PXDNL: variants seen among roughly 807,000 people sequenced by gnomAD.
PXDNL encodes the protein probable oxidoreductase PXDNL.
A neutral mutation model predicts 150.8 loss-of-function variants in PXDNL; 145 were observed. The observed-to-expected ratio is 0.96, with a 90% CI of 0.84 to 1.10. PXDNL has a LOEUF of 1.10. Among genes scored for constraint, PXDNL ranks in the 50% least tolerant of loss-of-function variants. The pLI is 0.00. For missense variants in PXDNL, 2,087 were observed against 1,873.9 expected (o/e 1.11, Z -2.10); for synonymous variants, 757 against 725.7 (o/e 1.04, Z -0.69).
At chr8:51,393,010 T>A (rs751444868) in intron 17 of PXDNL, among the ~76,000 whole-genome samples, 10 of 152,208 alleles carry the variant, frequency 6.6e-5, no homozygotes, top group Non-Finnish European at 1.0e-4. Flanking sequence ...CTGAGTTACA[T>A]GTCACTGACC....
chr8:51,626,221 C>G (rs368849033), intron 2 of PXDNL, among the ~76,000 whole-genome samples: 1 of 152,228 alleles, frequency 6.6e-6, no homozygotes, highest in Non-Finnish European at 1.5e-5. Flanking sequence ...AGTTTTCTAT[C>G]TGCCTACTTA....
intron 1 of PXDNL, among the ~76,000 whole-genome samples, chr8:51,717,364 T>A (rs1420205429): frequency 1.3e-5 from 2 of 152,206 alleles, no homozygotes; most frequent in Admixed American, 6.5e-5. Context: ...AAAACCATTC[T>A]AAGGACACAT....
rs754140301 is a variant in PXDNL at position 51,738,597 on chromosome 8, TACAA to T, written c.164+70580_164+70583del. Among the ~76,000 whole-genome samples the T allele has an allele frequency of 3.3e-5, 5 of 151,526 alleles. No individual in the cohort carries two copies. In the South Asian group the frequency reaches 1.0e-3, roughly 32 times the overall value. Reference sequence around the variant, plus strand: ...CACACAAGATACTCTATGGGAATACTACAAACAACTTTACGCTCATAAACTTGAC... The same window carrying T: ...CACACAAGATACTCTATGGGAATACTACAACTTTACGCTCATAAACTTGAC... On this transcript the variant is annotated intron_variant, in intron 1 of 22. Transcript: ENST00000356297.
chr8:51,416,133 T>C (rs774064923), intron 14 of PXDNL, among the ~76,000 whole-genome samples: 5 of 152,232 alleles, frequency 3.3e-5, no homozygotes, highest in South Asian at 2.1e-4. Context: ...GCAGCATTAA[T>C]TACATGCTTC....
intron 4 of PXDNL, among the ~76,000 whole-genome samples, chr8:51,531,797 G>A (rs891243369): frequency 3.9e-5 from 6 of 152,200 alleles, no homozygotes; most frequent in African/African-American, 7.2e-5. Flanking sequence ...TTCAAAGAAA[G>A]GATGTGGATT....
intron 19 of PXDNL, among the ~76,000 whole-genome samples, chr8:51,356,221 G>A (rs373851386): frequency 2.6e-5 from 4 of 152,304 alleles, no homozygotes; most frequent in South Asian, 4.1e-4. Context: ...GGGTGGGGTG[G>A]CCCATGCCTG....
chr8:51,741,889 G>A (rs764464800), intron 1 of PXDNL, among the ~76,000 whole-genome samples: 16 of 152,150 alleles, frequency 1.1e-4, no homozygotes, highest in South Asian at 2.1e-4. Context: ...TCTATTTGGC[G>A]TTTGTACTAG....
chr8:51,623,160 G>C (rs1563486743), intron 2 of PXDNL, among the ~76,000 whole-genome samples: 1 of 152,106 alleles, frequency 6.6e-6, no homozygotes, highest in Non-Finnish European at 1.5e-5. Context: ...TCCTCTCTCT[G>C]GCTACAGCCC....
intron 12 of PXDNL, among the ~76,000 whole-genome samples, chr8:51,438,540 C>A (rs901114882): frequency 2.0e-5 from 3 of 152,028 alleles, no homozygotes; most frequent in Non-Finnish European, 1.5e-5. Flanking sequence ...ATGGTGAAAC[C>A]CTGTCTCCAC....
chr8:51,421,824 TAC>T (rs1299534335), intron 14 of PXDNL, among the ~76,000 whole-genome samples: 1 of 152,262 alleles, frequency 6.6e-6, no homozygotes, highest in Non-Finnish European at 1.5e-5. Context: ...ACAATATGGA[TAC>T]ATTTTATTTA....
chr8:51,327,706 G>C (rs1219314520), intron 21 of PXDNL, among the ~76,000 whole-genome samples: 1 of 152,162 alleles, frequency 6.6e-6, no homozygotes, highest in African/African-American at 2.4e-5. Flanking sequence ...GTCTCTTTGT[G>C]TTCAGAAATA....
At chr8:51,636,969 G>A (rs916319115) in intron 2 of PXDNL, among the ~76,000 whole-genome samples, 4 of 152,082 alleles carry the variant, frequency 2.6e-5, no homozygotes, top group Non-Finnish European at 4.4e-5. Flanking sequence ...CACCTCACAC[G>A]GCTGGGTACC....
chr8:51,526,622 G>A (rs2130408787), intron 4 of PXDNL, among the ~76,000 whole-genome samples: 1 of 152,280 alleles, frequency 6.6e-6, no homozygotes, highest in South Asian at 2.1e-4. Context: ...TCCTGTCACT[G>A]AAGCTCTGCA....
chr8:51,554,780 C>T (rs578189215), intron 4 of PXDNL, among the ~76,000 whole-genome samples: 5 of 152,278 alleles, frequency 3.3e-5, no homozygotes, highest in East Asian at 3.9e-4. Context: ...ATCAGAATTG[C>T]CTTACTGTCC....
At chr8:51,762,078 A>G (rs748976742) in intron 1 of PXDNL, among the ~76,000 whole-genome samples, 2 of 152,224 alleles carry the variant, frequency 1.3e-5, no homozygotes, top group Non-Finnish European at 2.9e-5. Flanking sequence ...AAAGGCATAC[A>G]TCCATTGAAT....
chr8:51,411,602 C>T (rs552249409), intron 15 of PXDNL, among the ~76,000 whole-genome samples, 195 bp from the exon 16 acceptor site: 4 of 152,106 alleles, frequency 2.6e-5, no homozygotes, highest in African/African-American at 9.7e-5. Flanking sequence ...AAATGTTAGT[C>T]CCAGTGCTGA....
chr8:51,453,217 T>C (rs993414930), intron 10 of PXDNL, among the ~76,000 whole-genome samples: 4 of 152,218 alleles, frequency 2.6e-5, no homozygotes, highest in African/African-American at 9.6e-5. Context: ...TGTACTGTCT[T>C]TCCTGTATCT....
intron 1 of PXDNL, among the ~76,000 whole-genome samples, chr8:51,736,564 T>C (rs1245292014): frequency 1.3e-5 from 2 of 152,230 alleles, no homozygotes; most frequent in Non-Finnish European, 2.9e-5. Context: ...CCACTCCTTG[T>C]TCCTGTTTGT....
intron 2 of PXDNL, among the ~76,000 whole-genome samples, chr8:51,612,363 G>A (rs1268985041): frequency 6.6e-6 from 1 of 152,084 alleles, no homozygotes; most frequent in Admixed American, 6.5e-5. Flanking sequence ...ACAGATTTGT[G>A]GGGGGCTAAC....
Sources: allele counts gnomAD v4.1 joint callset (sites outside exome capture counted in the v4.1 genomes callset), GRCh38; gene constraint gnomAD v4.1.1; transcripts MANE v1.5; gene names NCBI Gene and HGNC (gene_info 2026-07-23, HGNC 2026-07-21).